The following MYO1D variants were observed in gnomAD, a reference collection of about 807,000 sequenced individuals.
MYO1D encodes unconventional myosin-Id.
MYO1D carries 83 observed loss-of-function variants against 122.0 expected under a neutral mutation model. That is an observed-to-expected ratio of 0.68 (90% CI 0.57 to 0.82). The LOEUF (loss-of-function observed/expected upper bound fraction) is 0.82. MYO1D is among the 40% of genes least tolerant of loss of function. The probability of loss-of-function intolerance (pLI) is 0.00; values close to 1 mark genes in which losing one functional copy is unlikely to be tolerated. For synonymous variants in MYO1D, 464 were observed against 446.9 expected (o/e 1.04, Z -0.48); for missense variants, 1,157 against 1,269.5 (o/e 0.91, Z 1.35).
At chr17:32,572,743 C>T (rs1024554141) in intron 21 of MYO1D, among the ~76,000 whole-genome samples, 9 of 152,136 alleles carry the variant, frequency 5.9e-5, no homozygotes, top group Non-Finnish European at 1.2e-4. Flanking sequence ...AGGCACTTAT[C>T]GTTCCACTGT....
chr17:32,741,970 G>A (rs1255064808), intron 13 of MYO1D, among the ~76,000 whole-genome samples: 10 of 147,840 alleles, frequency 6.8e-5, no homozygotes, highest in East Asian at 4.0e-4. Flanking sequence ...AGCCGAGATC[G>A]CGCCACTGCA....
intron 3 of MYO1D, 129 bp from the exon 4 acceptor site, chr17:32,776,158 C>CAA (rs574192656): frequency 5.4e-5 from 33 of 606,036 alleles, no homozygotes; most frequent in South Asian, 8.7e-5. Flanking sequence ...TTTGCAATAT[C>CAA]AAAAAAAAAA....
chr17:32,612,675 C>CT (rs2087716343), intron 20 of MYO1D, among the ~76,000 whole-genome samples: 1 of 127,530 alleles, frequency 7.8e-6, no homozygotes, highest in Non-Finnish European at 1.6e-5. Context: ...CAGAGTGAGA[C>CT]CCATCTCAAA....
intron 14 of MYO1D, among the ~76,000 whole-genome samples, chr17:32,728,737 A>G (rs117665967): frequency 0.028 from 4,197 of 152,308 alleles, 90 homozygotes; most frequent in Middle Eastern, 0.048. Context: ...AATATTTTGG[A>G]CTGAATAATG....
chr17:32,574,698 T>C (rs1455462336), intron 21 of MYO1D, among the ~76,000 whole-genome samples: 1 of 152,216 alleles, frequency 6.6e-6, no homozygotes, highest in African/African-American at 2.4e-5. Context: ...GGGCTCACTA[T>C]ACAGATTGAG....
At chr17:32,554,519 A>T (rs2087050765) in intron 21 of MYO1D, among the ~76,000 whole-genome samples, 1 of 152,248 alleles carries the variant, frequency 6.6e-6, no homozygotes, top group African/African-American at 2.4e-5. Flanking sequence ...AATGGGAAGG[A>T]TATATAAGTG....
chr17:32,795,600 C>T (rs2090407128), intron 1 of MYO1D, among the ~76,000 whole-genome samples: 2 of 152,132 alleles, frequency 1.3e-5, no homozygotes, highest in South Asian at 2.1e-4. Flanking sequence ...GAATAAATCA[C>T]CATAGCATTA....
At chr17:32,794,894 A>G (rs1408477030) in intron 1 of MYO1D, among the ~76,000 whole-genome samples, 2 of 152,090 alleles carry the variant, frequency 1.3e-5, no homozygotes, top group African/African-American at 4.8e-5. Flanking sequence ...CTGCTAATGG[A>G]CCAATTAGGA....
intron 1 of MYO1D, among the ~76,000 whole-genome samples, chr17:32,782,210 G>T (rs774330033): frequency 2.6e-5 from 4 of 152,182 alleles, no homozygotes; most frequent in African/African-American, 4.8e-5. Context: ...TTCAAACCAA[G>T]ATTTTTATCA....
chr17:32,506,524 T>C (rs1597862465), intron 21 of MYO1D, among the ~76,000 whole-genome samples: 3 of 151,884 alleles, frequency 2.0e-5, no homozygotes, highest in Admixed American at 2.0e-4. Context: ...ATAAAACAAA[T>C]CTGATCCATC....
Position 32,664,767 on chromosome 17 carries a change from G to A in MYO1D, c.2122-5429C>T, listed in dbSNP as rs551349064. Among the ~76,000 whole-genome samples, 20 of 152,302 alleles carry A rather than the reference G, an allele frequency of 1.3e-4. No individual in the cohort carries two copies. The South Asian group carries it at 3.9e-3, about 30-fold the overall frequency. ...TATAAACAGAGAATGCTGGCATGGC[G>A]TTGCACACATCCTTGCAACTGAGGT... On this transcript the variant is annotated intron_variant, in intron 16 of 21. Coordinates refer to ENST00000318217, the MANE Select transcript of MYO1D (RefSeq NM_015194.3).
intron 1 of MYO1D, among the ~76,000 whole-genome samples, chr17:32,819,917 C>A (rs922466453): frequency 6.6e-6 from 1 of 152,174 alleles, no homozygotes. Context: ...TCAATCTAGA[C>A]AACATGCATA....
At chr17:32,785,332 A>G (rs1394948634) in intron 1 of MYO1D, among the ~76,000 whole-genome samples, 1 of 152,228 alleles carries the variant, frequency 6.6e-6, no homozygotes, top group Non-Finnish European at 1.5e-5. Context: ...TGAATGGTCT[A>G]CTAGGTATGG....
rs2090226745 is a variant in MYO1D, at chr17:32,780,676, G to A, written c.204C>T (p.Gly68=). 1.2e-6 allele frequency: 2 copies of A among 1,614,146 alleles called. No individual in the cohort carries two copies. The highest frequency in any genetic ancestry group is 2.2e-5 in the East Asian group (1 of 44,890). ...GAGGCGGTCTCTCATACAGCTCACG[G>A]CCTTTATACTGCTCAATTGTGTCTC... ...YGRDTIEQYK[G]RELYERPPHL... is the part of the protein sequence containing the mutation. The change falls in exon 2 of 22, where the codon GGC becomes GGT. Residue 68 remains glycine, a synonymous_variant. Transcript: ENST00000318217.
In MYO1D at chr17:32,715,900, T is replaced by C. The variant is rs117105122; in HGVS notation, c.1914-3705A>G. Among the ~76,000 whole-genome samples, 767 of 152,294 alleles carry C rather than the reference T, an allele frequency of 5.0e-3. 3 individuals carry two copies. Among genetic ancestry groups the C allele is most frequent in the Middle Eastern group, 0.01 (3 of 294 alleles). ...TGATTTCTAATCCATCATCAAGTTC[T>C]ATTGACTCTACCTCCAAAATATATT... On this transcript the variant is annotated intron_variant, in intron 15 of 21. Transcript: ENST00000318217.
chr17:32,646,149 C>T (rs1050970462), intron 19 of MYO1D, among the ~76,000 whole-genome samples: 1 of 152,112 alleles, frequency 6.6e-6, no homozygotes, highest in Non-Finnish European at 1.5e-5. Context: ...ATATTAAAGG[C>T]TGTGAGAATT....
intron 21 of MYO1D, among the ~76,000 whole-genome samples, chr17:32,516,223 T>C (rs1378117995): frequency 6.6e-6 from 1 of 152,220 alleles, no homozygotes; most frequent in Non-Finnish European, 1.5e-5. Flanking sequence ...TGCAGCCTTA[T>C]TTCCCTTTTC....
At chr17:32,540,327 CA>C (rs34076937) in intron 21 of MYO1D, among the ~76,000 whole-genome samples, 59 of 69,848 alleles carry the variant, frequency 8.4e-4, no homozygotes, top group South Asian at 7.8e-3. Flanking sequence ...GAGACTATCT[CA>C]AAAAAAAAAA....
At chr17:32,535,233 C>T (rs1043029448) in intron 21 of MYO1D, among the ~76,000 whole-genome samples, 8 of 152,056 alleles carry the variant, frequency 5.3e-5, no homozygotes, top group African/African-American at 1.9e-4. Flanking sequence ...GAAAATGAGG[C>T]CAAACTTTTA....
Sources: allele counts gnomAD v4.1 joint callset (sites outside exome capture counted in the v4.1 genomes callset), GRCh38; gene constraint gnomAD v4.1.1; transcripts MANE v1.5; gene names NCBI Gene and HGNC (gene_info 2026-07-23, HGNC 2026-07-21).